Variants in IFT74 observed in about 807,000 individuals in gnomAD.
IFT74 encodes intraflagellar transport 74.
A neutral mutation model predicts 96.7 loss-of-function variants in IFT74; 92 were observed. The observed-to-expected ratio is 0.95, with a 90% CI of 0.80 to 1.13. The LOEUF (loss-of-function observed/expected upper bound fraction) is 1.13. Ranked by LOEUF, IFT74 falls within the 50% of genes most tolerant of loss-of-function variation. IFT74 has a pLI of 0.00. For missense variants in IFT74, 811 were observed against 698.2 expected (o/e 1.16, Z -1.82); for synonymous variants, 223 against 213.2 (o/e 1.05, Z -0.40).
Position 27,055,509 on chromosome 9 carries a change from A to G in IFT74, c.1334-100A>G, listed in dbSNP as rs187041584. 575 of 779,396 alleles carry G rather than the reference A, an allele frequency of 7.4e-4. 2 individuals carry two copies. In the African/African-American group the frequency reaches 9.6e-3, roughly 13 times the overall value. The allele number at this position is 779,396 out of a possible 1,614,324, so 48.3% of individuals were successfully genotyped here. ...CAGTGAACATATATTTCTTTTACAG[A>G]TATTCTTAAAAAACATGATTTTTAA... On this transcript the variant is annotated intron_variant, in intron 16 of 19. Coordinates refer to ENST00000380062, the MANE Select transcript of IFT74 (RefSeq NM_025103.4).
chr9:26,980,453 T>C lies in IFT74; in HGVS notation c.257-118T>C. ...GTTTCAGTGATTCTTCTTGATTCATTGGGGCATTCATGAAGACTGTCTTGA... is the reference window on the plus strand; with the variant it reads ...GTTTCAGTGATTCTTCTTGATTCATCGGGGCATTCATGAAGACTGTCTTGA... On this transcript the variant is annotated intron_variant, in intron 3 of 19. Coordinates refer to ENST00000380062, the MANE Select transcript of IFT74 (RefSeq NM_025103.4). The C allele has an allele frequency of 6.9e-6, 5 of 727,460 alleles. 1 individual carries two copies. In the Middle Eastern group the frequency reaches 6.9e-4, roughly 101 times the overall value. The allele number at this position is 727,460 out of a possible 1,614,324, so 45.1% of individuals were successfully genotyped here.
At chr9:26,975,353 G>A (rs1264169180) in intron 2 of IFT74, among the ~76,000 whole-genome samples, 4 of 152,154 alleles carry the variant, frequency 2.6e-5, no homozygotes, top group South Asian at 2.1e-4. Flanking sequence ...GGGAGACAGG[G>A]CTTTTGTCAT....
intron 19 of IFT74, among the ~76,000 whole-genome samples, chr9:27,061,298 A>G (rs940608769): frequency 1.3e-5 from 2 of 152,224 alleles, no homozygotes; most frequent in African/African-American, 4.8e-5. Flanking sequence ...CCAATTTTAA[A>G]TGTCAACTCT....
At chr9:27,013,070 A>G (rs1300463280) in intron 10 of IFT74, among the ~76,000 whole-genome samples, 8 of 152,186 alleles carry the variant, frequency 5.3e-5, no homozygotes, top group Admixed American at 4.6e-4. Flanking sequence ...AAAGACATTT[A>G]TCAAGTGCTT....
rs1825819541 is a variant in IFT74 at position 26,948,448 on chromosome 9, A to ATTATTTTT, written c.-20+1304_-20+1305insATTTTTTT. ...TGACAACCTGTGATGGCTTTCCATTATTTTTTTTTTTTTTTTTTTTTTTTT... is the reference window on the plus strand; with the variant it reads ...TGACAACCTGTGATGGCTTTCCATTATTATTTTTTTTTTTTTTTTTTTTTTTTTTTTTT... On this transcript the variant is annotated intron_variant, in intron 1 of 19. Coordinates refer to the IFT74 transcript ENST00000433700. Among the ~76,000 whole-genome samples the ATTATTTTT allele has an allele frequency of 2.3e-3, 137 of 59,174 alleles. 12 individuals carry two copies. Among genetic ancestry groups the ATTATTTTT allele is most frequent in the Non-Finnish European group, 3.8e-3 (100 of 26,090 alleles). 38.8% of individuals were successfully genotyped at this position (59,174 alleles called of 152,430 possible). A position where few individuals can be genotyped will look rare whatever the true frequency, so the allele number is the denominator to read the frequency against.
At chr9:27,006,831 G>GTTTT (rs35534656) in intron 8 of IFT74, among the ~76,000 whole-genome samples, 59 of 64,392 alleles carry the variant, frequency 9.2e-4, no homozygotes, top group East Asian at 1.8e-3. Context: ...ATTATTGTGT[G>GTTTT]TTTTTTTTTT....
intron 10 of IFT74, among the ~76,000 whole-genome samples, chr9:27,013,495 A>G (rs1829208658): frequency 6.6e-6 from 1 of 152,238 alleles, no homozygotes; most frequent in African/African-American, 2.4e-5. Flanking sequence ...GCCTTCAAAA[A>G]GGTTGTTCCA....
chr9:26,989,314 T>C (rs1162512324), intron 7 of IFT74, among the ~76,000 whole-genome samples: 1 of 152,126 alleles, frequency 6.6e-6, no homozygotes, highest in Non-Finnish European at 1.5e-5. Flanking sequence ...CTTACCGTTA[T>C]ACAATATATC....
chr9:26,984,613 T>C lies in IFT74; in HGVS notation c.465+54T>C, dbSNP rs988508042. 29 of 1,390,718 alleles carry C rather than the reference T, an allele frequency of 2.1e-5. No homozygotes were observed. In the African/African-American group the frequency reaches 4.1e-4, roughly 20 times the overall value. The allele number at this position is 1,390,718 out of a possible 1,614,324, so 86.1% of individuals were successfully genotyped here. On this transcript the variant is annotated intron_variant, in intron 6 of 19. Transcript: ENST00000380062. Reference sequence around the variant, plus strand: ...TGTTAATATTTTCATTAGTTTTTACTACTGCTTTAAAAATACATTAGTAGG... The same window carrying C: ...TGTTAATATTTTCATTAGTTTTTACCACTGCTTTAAAAATACATTAGTAGG...
intron 8 of IFT74, chr9:26,998,167 A>T: frequency 6.3e-7 from 1 of 1,590,858 alleles, no homozygotes; most frequent in Non-Finnish European, 8.6e-7. Flanking sequence ...AACTGAGATC[A>T]AGTATAGTAA....
intron 8 of IFT74, among the ~76,000 whole-genome samples, chr9:27,007,028 G>A (rs1048539170): frequency 8.6e-5 from 13 of 151,468 alleles, no homozygotes; most frequent in Non-Finnish European, 1.3e-4. Context: ...TAGTAGAGAC[G>A]GGGTTTCACC....
chr9:27,033,223 T>A (rs1177739402), intron 13 of IFT74, among the ~76,000 whole-genome samples: 1 of 152,134 alleles, frequency 6.6e-6, no homozygotes, highest in East Asian at 1.9e-4. Context: ...AGAAATGGTA[T>A]AGCATAGTGG....
At chr9:27,056,492 C>T (rs200791951) in intron 18 of IFT74, 33 bp downstream of exon 18, 118 of 1,551,392 alleles carry the variant, frequency 7.6e-5, no homozygotes, top group Non-Finnish European at 1.0e-4. Flanking sequence ...TTGAAATTGT[C>T]TTAGTCTATA....
chr9:26,989,754 A>T (rs556526655), intron 7 of IFT74, among the ~76,000 whole-genome samples: 1 of 152,164 alleles, frequency 6.6e-6, no homozygotes, highest in African/African-American at 2.4e-5. Flanking sequence ...GTGTACTCAG[A>T]TAATATCCTG....
intron 6 of IFT74, among the ~76,000 whole-genome samples, chr9:26,986,185 G>A (rs1399968628): frequency 6.6e-6 from 1 of 152,144 alleles, no homozygotes; most frequent in East Asian, 1.9e-4. Context: ...GTTAGGATAA[G>A]ATAAGTTATG....
chr9:26,971,203 G>A (rs1219862894), intron 2 of IFT74, among the ~76,000 whole-genome samples: 2 of 152,070 alleles, frequency 1.3e-5, no homozygotes, highest in Admixed American at 6.5e-5. Context: ...GGCAACCGAT[G>A]GGGGGCATTT....
intron 10 of IFT74, among the ~76,000 whole-genome samples, chr9:27,016,204 A>G (rs1357022970): frequency 6.6e-6 from 1 of 152,122 alleles, no homozygotes; most frequent in Non-Finnish European, 1.5e-5. Flanking sequence ...GCTTCTTCCT[A>G]GCTTCTAGTG....
At chr9:26,972,741 C>T (rs981006244) in intron 2 of IFT74, among the ~76,000 whole-genome samples, 1 of 152,116 alleles carries the variant, frequency 6.6e-6, no homozygotes, top group African/African-American at 2.4e-5. Flanking sequence ...GGGGTAAGGA[C>T]ACAATTCACT....
At chr9:27,007,662 A>G (rs914564157) in intron 8 of IFT74, among the ~76,000 whole-genome samples, 1 of 152,150 alleles carries the variant, frequency 6.6e-6, no homozygotes, top group Non-Finnish European at 1.5e-5. Context: ...TAGGTTGTTT[A>G]TTCTAGTAGT....
Sources: gnomAD v4.1 joint callset for allele counts (sites outside exome capture counted in the v4.1 genomes callset) on GRCh38, gnomAD v4.1.1 for gene constraint, MANE v1.5 for transcripts, NCBI Gene and HGNC (gene_info 2026-07-23, HGNC 2026-07-21) for gene names.